The following BAG6 variants were observed in gnomAD, a reference collection of about 807,000 sequenced individuals.
The protein encoded by BAG6 is large proline-rich protein BAG6.
A neutral mutation model predicts 121.0 loss-of-function variants in BAG6; 22 were observed. That is an observed-to-expected ratio of 0.18 (90% CI 0.13 to 0.26). The LOEUF is 0.26. Among genes scored for constraint, BAG6 ranks in the 10% least tolerant of loss-of-function variants. The probability of loss-of-function intolerance (pLI) is 1.00; values close to 1 mark genes in which losing one functional copy is unlikely to be tolerated. For synonymous variants in BAG6, 583 were observed against 584.6 expected, an observed-to-expected ratio of 1.00 and a Z score of 0.04; for missense variants, 1,233 against 1,537.7, an observed-to-expected ratio of 0.80 and a Z score of 3.31.
intron 7 of BAG6, 152 bp downstream of exon 7, chr6:31,647,439 C>G: frequency 8.8e-7 from 1 of 1,140,970 alleles, no homozygotes; most frequent in Non-Finnish European, 1.2e-6. Context: ...CGTCATTTAC[C>G]TATACCGAGA....
chr6:31,645,592 C>T lies in BAG6; in HGVS notation c.931G>A (p.Glu311Lys). Residue 311 changes from glutamate (E) to lysine (K), a missense_variant, in exon 9 of 26, where the codon GAG becomes AAG. Physicochemically the swap from Glu to Lys is moderately conservative, Grantham distance 56 (BLOSUM62 1). This residue lies in a region of BAG6 where 777 missense variants were observed against 861.4 expected (regional missense o/e 0.90). Coordinates refer to ENST00000676615, the MANE Select transcript of BAG6 (RefSeq NM_001387994.1). ...TDYNNNHEGREEDQRLINLVG... is the reference protein window; with the variant it reads ...TDYNNNHEGRKEDQRLINLVG... ...AAGTTGATCAACCGCTGATCCTCCT[C>T]CCGGCCCTCGTGCTGCGCACAACCA... The T allele has an allele frequency of 6.2e-7, 1 of 1,613,110 alleles. No individual in the cohort carries two copies. Among genetic ancestry groups the T allele is most frequent in the Non-Finnish European group, 8.5e-7 (1 of 1,180,026 alleles).
rs749614208 is a variant in BAG6 at position 31,648,678 on chromosome 6, T to A, written c.551A>T (p.Glu184Val). 4 of 1,613,656 alleles carry A rather than the reference T, an allele frequency of 2.5e-6. No homozygotes were observed. The highest frequency in any genetic ancestry group is 3.4e-6 in the Non-Finnish European group (4 of 1,179,912). ...CCCTAGCCAGCCTTGCCCACTTACC[T>A]CCATCCGGGATAGTAAGGTCTGTAT... ...RDIQTLLSRM[E>V]CRGGPQPQHS... Residue 184 changes from glutamate (E) to valine (V), a missense_variant and splice_region_variant, in exon 6 of 26, where the codon GAG becomes GTG. By Grantham distance (121) the Glu-to-Val change is moderately radical. Coordinates refer to ENST00000676615, the MANE Select transcript of BAG6 (RefSeq NM_001387994.1).
intron 7 of BAG6, 100 bp downstream of exon 7, chr6:31,647,491 C>A: frequency 1.9e-6 from 3 of 1,554,834 alleles, no homozygotes; most frequent in Non-Finnish European, 2.6e-6. Context: ...TCAACTAAGA[C>A]CTCCAAGTAA....
intron 24 of BAG6, 44 bp from the exon 25 acceptor site, chr6:31,639,690 A>G (rs763940523): frequency 3.2e-6 from 5 of 1,571,596 alleles, no homozygotes; most frequent in Non-Finnish European, 4.3e-6. Context: ...TCAACGTCAG[A>G]TCCAGTGCCA....
chr6:31,640,685 A>C lies in BAG6; in HGVS notation c.2954T>G (p.Met985Arg). The change falls in exon 22 of 26, where the codon ATG (methionine) becomes AGG (arginine). Residue 985 changes from methionine (M) to arginine (R), a missense_variant. Transcript: ENST00000676615. The surrounding 1 kb of genome is among the most constrained non-coding windows in gnomAD (Gnocchi z 4.2). ...DPPQPLPEEP[M>R]EVQGAERASP... The stretch of plus-strand genomic sequence containing the variant: ...AGCTCTTTCTGCTCCCTGAACTTCC[A>C]TTGGCTCCTCAGGAAGTGGCTGTGA... The C allele has an allele frequency of 6.2e-7, 1 of 1,612,980 alleles. No individual in the cohort carries two copies. Among genetic ancestry groups the C allele is most frequent in the Non-Finnish European group, 8.5e-7 (1 of 1,180,018 alleles).
chr6:31,652,578 G>A lies in BAG6; in HGVS notation c.-168C>T, dbSNP rs1798657678. 1 of 152,292 alleles carries A rather than the reference G, an allele frequency of 6.6e-6. No homozygotes were observed. The highest frequency in any genetic ancestry group is 6.5e-5 in the Admixed American group (1 of 15,280). The allele number at this position is 152,292 out of a possible 1,614,324, so 9.4% of individuals were successfully genotyped here. A position where few individuals can be genotyped will look rare whatever the true frequency, so the allele number is the denominator to read the frequency against. ...TGAGTTTCTGAGGGCGAGTCGGGCCGGGGCCGGCCTAGGTGGGAGGGAGCC... is the reference window on the plus strand; with the variant it reads ...TGAGTTTCTGAGGGCGAGTCGGGCCAGGGCCGGCCTAGGTGGGAGGGAGCC... On this transcript the variant is annotated 5_prime_UTR_variant, in exon 1 of 26. Transcript: ENST00000676615.
chr6:31,639,386 G>T (rs915655751), intron 25 of BAG6, 114 bp downstream of exon 25: 57 of 1,517,698 alleles, frequency 3.8e-5, no homozygotes, highest in Non-Finnish European at 4.5e-5. Context: ...TGCCAAAGGG[G>T]AAAACAAATG....
At chr6:31,642,040 C>A in intron 16 of BAG6, 72 bp downstream of exon 16, 1 of 1,594,398 alleles carries the variant, frequency 6.3e-7, no homozygotes, top group Non-Finnish European at 8.6e-7. Context: ...TGGCAACACC[C>A]CTAAACCAAG....
chr6:31,652,140 G>T (rs1347035653), intron 1 of BAG6: 1 of 205,650 alleles, frequency 4.9e-6, no homozygotes, highest in Non-Finnish European at 1.0e-5. Context: ...CGAAAGCGGT[G>T]GTCGCCCCAC....
intron 7 of BAG6, among the ~76,000 whole-genome samples, 171 bp downstream of exon 7, chr6:31,647,420 C>T (rs1305005375): frequency 6.6e-6 from 1 of 152,200 alleles, no homozygotes; most frequent in Non-Finnish European, 1.5e-5. Context: ...TCTCAGCTGC[C>T]TGTCCTAGCG....
chr6:31,645,561 C>T lies in BAG6; in HGVS notation c.962G>A (p.Gly321Glu), dbSNP rs1339379700. ...GTTGCCCAGCAGTCGCAGGCTCTCCCCTACCAAGTTGATCAACCGCTGATC... is the reference window on the plus strand; with the variant it reads ...GTTGCCCAGCAGTCGCAGGCTCTCCTCTACCAAGTTGATCAACCGCTGATC... ...EEDQRLINLVGESLRLLGNTF... is the reference protein window; with the variant it reads ...EEDQRLINLVEESLRLLGNTF... Residue 321 changes from glycine to glutamate, a missense_variant, in exon 9 of 26, where the codon GGG becomes GAG. By Grantham distance (98) the Gly-to-Glu change is moderately conservative. This residue lies in a region of BAG6 where 777 missense variants were observed against 861.4 expected (regional missense o/e 0.90). Coordinates refer to ENST00000676615, the MANE Select transcript of BAG6 (RefSeq NM_001387994.1). 6.2e-7 allele frequency: 1 copy of T among 1,613,162 alleles called. No individual in the cohort carries two copies. The highest frequency in any genetic ancestry group is 8.5e-7 in the Non-Finnish European group (1 of 1,180,050).
chr6:31,647,938 G>C, intron 6 of BAG6, 112 bp from the exon 7 acceptor site: 1 of 1,351,684 alleles, frequency 7.4e-7, no homozygotes, highest in Non-Finnish European at 9.6e-7. Flanking sequence ...CTGAAGGCAT[G>C]GCTCTGCAAT....
chr6:31,651,957 G>T, intron 1 of BAG6, 181 bp from the exon 2 acceptor site: 1 of 549,746 alleles, frequency 1.8e-6, no homozygotes. Context: ...CAAAGGGCAG[G>T]AGATCGACGG....
chr6:31,640,549 A>G lies in BAG6; in HGVS notation c.2995-21T>C. On this transcript the variant is annotated intron_variant, in intron 22 of 25. Coordinates refer to ENST00000676615, the MANE Select transcript of BAG6 (RefSeq NM_001387994.1). The surrounding 1 kb of genome is among the most constrained non-coding windows in gnomAD (Gnocchi z 4.2). Reference sequence around the variant, plus strand: ...TCCCGCTGGGTGTCAGATGGCGGGAAGAGCCAGGCTTCAGAATTTTTAGCC... The same window carrying G: ...TCCCGCTGGGTGTCAGATGGCGGGAGGAGCCAGGCTTCAGAATTTTTAGCC... 6.2e-7 allele frequency: 1 copy of G among 1,612,680 alleles called. No individual in the cohort carries two copies. Among genetic ancestry groups the G allele is most frequent in the Admixed American group, 1.7e-5 (1 of 60,012 alleles).
chr6:31,645,119 G>C lies in BAG6; in HGVS notation c.1196C>G (p.Pro399Arg), dbSNP rs1260622969. 5 of 1,613,006 alleles carry C rather than the reference G, an allele frequency of 3.1e-6. No homozygotes were observed. The South Asian group carries it at 5.5e-5, about 18-fold the overall frequency. Residue 399 changes from proline (P) to arginine (R), a missense_variant, in exon 10 of 26, where the codon CCT becomes CGT. Pro to Arg is a moderately radical substitution (Grantham distance 103). Transcript: ENST00000676615. ...PPTPNAEAPP[P>R]GPGQASSVAP... ...CACGGATGAGGCCTGCCCAGGACCA[G>C]GGGGAGGTGCCTCTGCATTGGGAGT...
In BAG6 at chr6:31,641,746, A is replaced by T; in HGVS notation, c.2505+30T>A. 1 of 1,612,234 alleles carries T rather than the reference A, an allele frequency of 6.2e-7. No individual in the cohort carries two copies. Among genetic ancestry groups the T allele is most frequent in the Non-Finnish European group, 8.5e-7 (1 of 1,179,042 alleles). On this transcript the variant is annotated intron_variant, in intron 17 of 25. Coordinates refer to ENST00000676615, the MANE Select transcript of BAG6 (RefSeq NM_001387994.1). This position sits in a 1 kb window ranked among gnomAD's most constrained non-coding sequence, Gnocchi z 5.7. ...TAAGGAATAAAATGTGCAAAAGAGG[A>T]GAGTTCTGGGGCCCCTGGCCTTCAT...
intron 15 of BAG6, 40 bp from the exon 16 acceptor site, chr6:31,642,443 G>A (rs1783850070): frequency 1.1e-6 from 1 of 907,942 alleles, no homozygotes; most frequent in Non-Finnish European, 1.7e-6. Flanking sequence ...AAAGTGAGGT[G>A]AGAATGAAGA....
At chr6:31,643,770 A>C in intron 14 of BAG6, 120 bp downstream of exon 14, 1 of 813,198 alleles carries the variant, frequency 1.2e-6, no homozygotes, top group Non-Finnish European at 1.9e-6. Flanking sequence ...GACACAAGAC[A>C]CTACAGCAGC....
chr6:31,644,287 C>T lies in BAG6; in HGVS notation c.1555+20G>A, dbSNP rs1304790206. ...ATGGACTGTGCCCTACCTCCCAAGC[C>T]TCCCCTTCCAGGTCATTACCTGCGG... On this transcript the variant is annotated intron_variant, in intron 12 of 25. Transcript: ENST00000676615. The surrounding 1 kb of genome is among the most constrained non-coding windows in gnomAD (Gnocchi z 4.9). The T allele has an allele frequency of 6.4e-7, 1 of 1,553,838 alleles. No individual in the cohort carries two copies. The highest frequency in any genetic ancestry group is 1.2e-5 in the South Asian group (1 of 84,610).
Sources: gnomAD v4.1 joint callset for allele counts (sites outside exome capture counted in the v4.1 genomes callset) on GRCh38, gnomAD v4.1.1 for gene constraint, gnomAD v4.1.1 regional missense constraint, Gnocchi (gnomAD v3.1) non-coding constraint, MANE v1.5 for transcripts, NCBI Gene and HGNC (gene_info 2026-07-23, HGNC 2026-07-21) for gene names.